Variants in RFTN2 observed in about 807,000 individuals in gnomAD.
RFTN2 encodes the protein raftlin-2.
Under a neutral mutation model 52.7 loss-of-function variants are expected in RFTN2, and 34 were observed. The ratio of observed to expected loss-of-function variants is 0.64; its 90% confidence interval spans 0.49 to 0.86. RFTN2 has a LOEUF of 0.86. RFTN2 is among the 40% of genes least tolerant of loss of function. The pLI, the probability that RFTN2 is intolerant of heterozygous loss-of-function variation, is 0.00. For synonymous variants in RFTN2, 203 were observed against 217.7 expected, an observed-to-expected ratio of 0.93 and a Z score of 0.59; for missense variants, 536 against 600.1, an observed-to-expected ratio of 0.89 and a Z score of 1.12.
Position 197,569,571 on chromosome 2 carries a change from A to T in RFTN2, c.*2437T>A, listed in dbSNP as rs2087283891. 6.6e-6 allele frequency: 1 copy of T among 152,200 alleles called. No individual in the cohort carries two copies. The highest frequency in any genetic ancestry group is 2.4e-5 in the African/African-American group (1 of 41,452). The allele number at this position is 152,200 out of a possible 1,614,324, so 9.4% of individuals were successfully genotyped here. A position where few individuals can be genotyped will look rare whatever the true frequency, so the allele number is the denominator to read the frequency against. On this transcript the variant is annotated 3_prime_UTR_variant, in exon 9 of 9. Transcript: ENST00000295049. ...TTTTAATAAAAGTTATTTTAATAAG[A>T]AATAACTCAGATTAAAAATAAACGG...
rs546563194 is a variant in RFTN2, at chr2:197,590,672, C to T, written c.1233+5319G>A. Among the ~76,000 whole-genome samples, 6 of 152,202 alleles carry T rather than the reference C, an allele frequency of 3.9e-5. No homozygotes were observed. The South Asian group carries it at 8.3e-4, about 21-fold the overall frequency. ...GCTCCTTCTGGTGTTTGGATGTGTT[C>T]GGAGTTTCTTCCTTCTGGTGGGTTC... On this transcript the variant is annotated intron_variant, in intron 8 of 8. Coordinates refer to ENST00000295049, the MANE Select transcript of RFTN2 (RefSeq NM_144629.3).
intron 5 of RFTN2, among the ~76,000 whole-genome samples, chr2:197,618,378 T>A (rs1227459126): frequency 1.6e-3 from 232 of 148,660 alleles, no homozygotes; most frequent in African/African-American, 5.8e-3. Flanking sequence ...GGAGTCTCGT[T>A]CACTCAGTGC....
intron 7 of RFTN2, among the ~76,000 whole-genome samples, chr2:197,612,160 T>C (rs1425601795): frequency 6.6e-6 from 1 of 152,178 alleles, no homozygotes; most frequent in East Asian, 1.9e-4. Context: ...GTTCTTGGTA[T>C]AGTACAACTT....
chr2:197,657,117 G>A (rs1049717695), intron 1 of RFTN2, among the ~76,000 whole-genome samples: 1 of 152,122 alleles, frequency 6.6e-6, no homozygotes, highest in African/African-American at 2.4e-5. Flanking sequence ...TCCTGCCTCG[G>A]CCTCCCAAAG....
Position 197,631,220 on chromosome 2 carries a change from G to C in RFTN2, c.719C>G (p.Ala240Gly), listed in dbSNP as rs981709139. Residue 240 changes from alanine (A) to glycine (G), a missense_variant and splice_region_variant, in exon 5 of 9, where the codon GCC becomes GGC. Transcript: ENST00000295049. ...PTSSKSRKGE[A>G]SDNKLYTVFN... ...GACTGTATACAATTTGTTATCTGAG[G>C]CTAGGCATTCAGAAGGAGAAAAAAG... 3 of 1,602,464 alleles carry C rather than the reference G, an allele frequency of 1.9e-6. No individual in the cohort carries two copies. Among genetic ancestry groups the C allele is most frequent in the Non-Finnish European group, 2.6e-6 (3 of 1,175,174 alleles).
chr2:197,625,136 C>A (rs903068282), intron 5 of RFTN2, among the ~76,000 whole-genome samples: 1 of 152,140 alleles, frequency 6.6e-6, no homozygotes, highest in Non-Finnish European at 1.5e-5. Context: ...AGGCATGAAC[C>A]ACTGTGCTGG....
chr2:197,627,502 A>G (rs2088384990), intron 5 of RFTN2, among the ~76,000 whole-genome samples: 1 of 152,212 alleles, frequency 6.6e-6, no homozygotes, highest in South Asian at 2.1e-4. Context: ...AATGAGTTTC[A>G]ATGTTATAAC....
intron 8 of RFTN2, among the ~76,000 whole-genome samples, chr2:197,583,291 C>G (rs1394514443): frequency 6.6e-6 from 1 of 152,214 alleles, no homozygotes; most frequent in East Asian, 1.9e-4. Context: ...TACCCCGAGT[C>G]AGGAAACTAA....
At chr2:197,622,330 G>T (rs2088279271) in intron 5 of RFTN2, among the ~76,000 whole-genome samples, 1 of 152,060 alleles carries the variant, frequency 6.6e-6, no homozygotes, top group African/African-American at 2.4e-5. Context: ...TTTGAGACAA[G>T]GTCTCACTCT....
intron 7 of RFTN2, among the ~76,000 whole-genome samples, chr2:197,607,089 A>C (rs1037936158): frequency 6.6e-6 from 1 of 152,250 alleles, no homozygotes; most frequent in African/African-American, 2.4e-5. Context: ...CCAAATGTCC[A>C]ACAATGATAG....
chr2:197,585,848 C>T (rs2087587297), intron 8 of RFTN2, among the ~76,000 whole-genome samples: 1 of 152,074 alleles, frequency 6.6e-6, no homozygotes, highest in Admixed American at 6.6e-5. Context: ...CTGCCGCCCT[C>T]CTCCGCACTT....
intron 1 of RFTN2, among the ~76,000 whole-genome samples, chr2:197,662,491 G>T (rs1367033456): frequency 6.6e-6 from 1 of 152,130 alleles, no homozygotes; most frequent in African/African-American, 2.4e-5. Context: ...ATACCATGCT[G>T]TTTGGCTACT....
chr2:197,615,538 C>T (rs1318780570), intron 7 of RFTN2, among the ~76,000 whole-genome samples: 1 of 152,028 alleles, frequency 6.6e-6, no homozygotes, highest in Non-Finnish European at 1.5e-5. Flanking sequence ...AAACAGCTAC[C>T]AAGTCCATGT....
chr2:197,675,544 G>T lies in RFTN2; in HGVS notation c.-86C>A. ...TTTAAGCTGCAAAAAGAAAGTTACAGACTTAACTGCTTTGATTTTGTTTTC... is the reference window on the plus strand; with the variant it reads ...TTTAAGCTGCAAAAAGAAAGTTACATACTTAACTGCTTTGATTTTGTTTTC... On this transcript the variant is annotated 5_prime_UTR_variant, in exon 1 of 9. In the 5' UTR this introduces an upstream ATG that the reference lacks. Coordinates refer to ENST00000295049, the MANE Select transcript of RFTN2 (RefSeq NM_144629.3). 1 of 453,786 alleles carries T rather than the reference G, an allele frequency of 2.2e-6. No individual in the cohort carries two copies. Among genetic ancestry groups the T allele is most frequent in the Non-Finnish European group, 2.9e-6 (1 of 339,060 alleles). The allele number at this position is 453,786 out of a possible 1,614,324, so 28.1% of individuals were successfully genotyped here.
intron 5 of RFTN2, among the ~76,000 whole-genome samples, chr2:197,630,128 G>A (rs1022875500): frequency 1.1e-4 from 16 of 152,134 alleles, no homozygotes; most frequent in African/African-American, 3.9e-4. Flanking sequence ...CCTTAATACT[G>A]CTAGTTAAAA....
chr2:197,575,794 A>ATATATATTTTATATAAATAATATATATTC (rs2087402476), intron 8 of RFTN2, among the ~76,000 whole-genome samples: 1 of 131,212 alleles, frequency 7.6e-6, no homozygotes, highest in Non-Finnish European at 1.6e-5. Context: ...ATAATATATT[A>ATATATATTTTATATAAATAATATATATTC]TATATATTTT....
At chr2:197,611,289 A>C (rs2088055952) in intron 7 of RFTN2, among the ~76,000 whole-genome samples, 1 of 152,136 alleles carries the variant, frequency 6.6e-6, no homozygotes, top group East Asian at 1.9e-4. Context: ...TCAATTTCAG[A>C]ACCTGTTAGT....
chr2:197,619,911 T>C (rs1298357714), intron 5 of RFTN2, among the ~76,000 whole-genome samples: 1 of 148,158 alleles, frequency 6.7e-6, no homozygotes, highest in East Asian at 2.0e-4. Flanking sequence ...CAACTATACA[T>C]ATAAAAACTA....
At position 197,646,655 on chromosome 2, in the gene RFTN2, G is replaced by A; in HGVS notation, c.151C>T (p.Pro51Ser). 1.9e-6 allele frequency: 3 copies of A among 1,609,636 alleles called. No individual in the cohort carries two copies. Among genetic ancestry groups the A allele is most frequent in the Non-Finnish European group, 2.5e-6 (3 of 1,177,346 alleles). Residue 51 changes from proline to serine, a missense_variant, in exon 2 of 9, where the codon CCA (proline) becomes TCA (serine). By Grantham distance (74) the Pro-to-Ser change is moderately conservative. Coordinates refer to ENST00000295049, the MANE Select transcript of RFTN2 (RefSeq NM_144629.3). ...LDFTLQASSN[P>S]EVIKINSILD... ...ATTGAATTTATCTTGATGACTTCTG[G>A]GTTTGATGAAGCTGAAATATCAAAA...
Sources: gnomAD v4.1 joint callset for allele counts (sites outside exome capture counted in the v4.1 genomes callset) on GRCh38, gnomAD v4.1.1 for gene constraint, MANE v1.5 for transcripts, NCBI Gene and HGNC (gene_info 2026-07-23, HGNC 2026-07-21) for gene names.